Variants in CDH9 observed in about 807,000 individuals in gnomAD.
The protein encoded by CDH9 is cadherin-9.
A neutral mutation model predicts 70.9 loss-of-function variants in CDH9; 28 were observed. The ratio of observed to expected loss-of-function variants is 0.40; its 90% CI spans 0.29 to 0.54. CDH9 has a LOEUF of 0.54. CDH9 is among the 20% of genes least tolerant of loss of function. CDH9 has a pLI of 0.59. For missense variants in CDH9, 874 were observed against 984.4 expected, an observed-to-expected ratio of 0.89 and a Z score of 1.50; for synonymous variants, 409 against 343.1, an observed-to-expected ratio of 1.19 and a Z score of -2.12.
At chr5:26,970,543 A>T (rs1231222155) in intron 2 of CDH9, among the ~76,000 whole-genome samples, 1 of 152,108 alleles carries the variant, frequency 6.6e-6, no homozygotes, top group Non-Finnish European at 1.5e-5. Flanking sequence ...TTCATGATCA[A>T]GCTTTTTTGT....
chr5:26,986,221 T>C (rs1219537936), intron 2 of CDH9, among the ~76,000 whole-genome samples: 3 of 152,084 alleles, frequency 2.0e-5, no homozygotes, highest in Non-Finnish European at 4.4e-5. Flanking sequence ...ACATCTGATA[T>C]TATAATGAGT....
At chr5:26,914,695 A>G (rs1161484137) in intron 3 of CDH9, among the ~76,000 whole-genome samples, 1 of 152,078 alleles carries the variant, frequency 6.6e-6, no homozygotes, top group Non-Finnish European at 1.5e-5. Context: ...AAAGGTGGAT[A>G]AGTTTGTTTC....
intron 7 of CDH9, 22 bp downstream of exon 7, chr5:26,902,454 T>C (rs778411495): frequency 6.5e-7 from 1 of 1,534,620 alleles, no homozygotes; most frequent in Non-Finnish European, 9.0e-7. Context: ...AAAAACATAA[T>C]AAATGTTTTC....
At chr5:26,995,283 C>T (rs906192586) in intron 1 of CDH9, among the ~76,000 whole-genome samples, 5 of 152,074 alleles carry the variant, frequency 3.3e-5, no homozygotes, top group African/African-American at 1.2e-4. Flanking sequence ...ACTTAACATT[C>T]CAGTGCATAA....
rs150130322 is a variant in CDH9, at chr5:26,998,430, G to C, written c.-49-10048C>G. Among the ~76,000 whole-genome samples the C allele has an allele frequency of 9.6e-3, 1,453 of 152,138 alleles. 27 individuals carry two copies. The highest frequency in any genetic ancestry group is 0.033 in the African/African-American group (1,375 of 41,488). On this transcript the variant is annotated intron_variant, in intron 1 of 11. Transcript: ENST00000231021. Reference sequence around the variant, plus strand: ...ATGATGAGTTCATGTCCTTTGAAGGGATATGGATGAAGCTGGAAGCCATCA... The same window carrying C: ...ATGATGAGTTCATGTCCTTTGAAGGCATATGGATGAAGCTGGAAGCCATCA...
chr5:26,980,976 G>T (rs1742389581), intron 2 of CDH9, among the ~76,000 whole-genome samples: 1 of 151,934 alleles, frequency 6.6e-6, no homozygotes, highest in Admixed American at 6.6e-5. Context: ...TATTACACAG[G>T]ACTAAATTTC....
chr5:26,973,330 C>T (rs1016968812), intron 2 of CDH9, among the ~76,000 whole-genome samples: 1 of 152,090 alleles, frequency 6.6e-6, no homozygotes, highest in Admixed American at 6.6e-5. Flanking sequence ...ACTTGAGCCA[C>T]AATGGTCTGT....
At chr5:27,033,730 A>C in intron 1 of CDH9, among the ~76,000 whole-genome samples, 1 of 151,662 alleles carries the variant, frequency 6.6e-6, no homozygotes, top group East Asian at 1.9e-4. Flanking sequence ...ACATATTTCT[A>C]GAAATTATGT....
At chr5:27,013,225 C>G (rs1378145488) in intron 1 of CDH9, among the ~76,000 whole-genome samples, 1 of 151,916 alleles carries the variant, frequency 6.6e-6, no homozygotes, top group African/African-American at 2.4e-5. Context: ...TAACTAGGAA[C>G]TTTAAGGCAC....
intron 2 of CDH9, 97 bp downstream of exon 2, chr5:26,988,009 A>T: frequency 1.3e-6 from 1 of 794,280 alleles, no homozygotes; most frequent in Non-Finnish European, 2.0e-6. Flanking sequence ...AATTAGTTAA[A>T]TATTTTTTAA....
chr5:27,033,318 A>G (rs1425140763), intron 1 of CDH9, among the ~76,000 whole-genome samples: 2 of 151,424 alleles, frequency 1.3e-5, no homozygotes, highest in South Asian at 2.1e-4. Flanking sequence ...AATGTTCACA[A>G]TTTTTGAATT....
At position 26,881,173 on chromosome 5, in the gene CDH9, G is replaced by T; in HGVS notation, c.2333C>A (p.Ala778Asp). ...ACTATCATCACCCCCATACATATCG[G>T]CAAGTTTTTTGAAACGAGGCCCCCA... ...SDWGPRFKKL[A>D]DMYGGDDSDR... The change falls in exon 12 of 12, where the codon GCC (alanine) becomes GAC (aspartate). Residue 778 changes from alanine (A) to aspartate (D), a missense_variant. By Grantham distance (126) the Ala-to-Asp change is moderately radical. Coordinates refer to ENST00000231021, the MANE Select transcript of CDH9 (RefSeq NM_016279.4). The T allele has an allele frequency of 6.2e-7, 1 of 1,612,528 alleles. No homozygotes were observed. The highest frequency in any genetic ancestry group is 1.3e-5 in the African/African-American group (1 of 74,888).
At chr5:26,956,141 A>T (rs998233130) in intron 2 of CDH9, among the ~76,000 whole-genome samples, 9 of 152,118 alleles carry the variant, frequency 5.9e-5, no homozygotes, top group African/African-American at 9.7e-5. Context: ...CATAATTCCC[A>T]TGTGTCTTGG....
At chr5:26,890,912 C>A in intron 7 of CDH9, 1 of 182,190 alleles carries the variant, frequency 5.5e-6, no homozygotes. Context: ...TTAAACTTGA[C>A]TGAGTCAATA....
At chr5:26,984,154 A>G (rs1742450965) in intron 2 of CDH9, among the ~76,000 whole-genome samples, 1 of 152,138 alleles carries the variant, frequency 6.6e-6, no homozygotes, top group Non-Finnish European at 1.5e-5. Flanking sequence ...TGATTTCAGA[A>G]TGGGATAACA....
chr5:27,003,905 A>G (rs746311589), intron 1 of CDH9, among the ~76,000 whole-genome samples: 6 of 152,066 alleles, frequency 3.9e-5, no homozygotes, highest in Non-Finnish European at 8.8e-5. Flanking sequence ...TAAAATATGT[A>G]CTATACCAAT....
intron 3 of CDH9, among the ~76,000 whole-genome samples, chr5:26,915,141 A>T (rs367724035): frequency 7.2e-5 from 11 of 152,094 alleles, no homozygotes; most frequent in Admixed American, 3.9e-4. Context: ...AATCTTTCTG[A>T]ATCTTGAGTT....
chr5:26,915,963 A>G, intron 2 of CDH9, 39 bp from the exon 3 acceptor site: 1 of 1,354,634 alleles, frequency 7.4e-7, no homozygotes, highest in Non-Finnish European at 1.0e-6. Flanking sequence ...GTAAATATAT[A>G]CATTATCATT....
In CDH9 at chr5:26,988,414, T is replaced by G. The variant is rs906021514; in HGVS notation, c.-49-32A>C. The G allele has an allele frequency of 3.9e-6, 6 of 1,525,956 alleles. No individual in the cohort carries two copies. The African/African-American group carries it at 5.5e-5, about 14-fold the overall frequency. 94.5% of individuals were successfully genotyped at this position (1,525,956 alleles called of 1,614,324 possible). ...AGTAAGGAGAAAAAAAATGGCTGTA[T>G]TAGCTTGAGTTTCACTTTCCCACAA... On this transcript the variant is annotated intron_variant, in intron 1 of 11. Transcript: ENST00000231021.
Sources: allele counts gnomAD v4.1 joint callset (sites outside exome capture counted in the v4.1 genomes callset), GRCh38; gene constraint gnomAD v4.1.1; transcripts MANE v1.5; gene names NCBI Gene and HGNC (gene_info 2026-07-23, HGNC 2026-07-21).